DOCK7: variants seen among roughly 807,000 people sequenced by gnomAD.
The protein encoded by DOCK7 is dedicator of cytokinesis 7, also known as dedicator of cytokinesis protein 7.
A neutral mutation model predicts 271.0 loss-of-function variants in DOCK7; 138 were observed. The ratio of observed to expected loss-of-function variants is 0.51; its 90% CI spans 0.44 to 0.59. The LOEUF is 0.59. Ranked by LOEUF, DOCK7 falls within the 20% of genes least tolerant of loss-of-function variation. The pLI is 0.00. For synonymous variants in DOCK7, 823 were observed against 876.1 expected, an observed-to-expected ratio of 0.94 and a Z score of 1.07; for missense variants, 2,066 against 2,592.4, an observed-to-expected ratio of 0.80 and a Z score of 4.41.
chr1:62,482,878 C>T (rs545153688), intron 43 of DOCK7: 1 of 152,096 alleles, frequency 6.6e-6, no homozygotes, highest in Non-Finnish European at 1.5e-5. Flanking sequence ...GGCTTACTGA[C>T]AAAACACATT....
At chr1:62,550,144 A>G (rs1645846190) in intron 22 of DOCK7, among the ~76,000 whole-genome samples, 1 of 152,170 alleles carries the variant, frequency 6.6e-6, no homozygotes. Context: ...TAGCATGCCT[A>G]TATGTGAATG....
intron 1 of DOCK7, among the ~76,000 whole-genome samples, chr1:62,687,390 T>C (rs1296019660): frequency 3.9e-5 from 6 of 152,194 alleles, no homozygotes; most frequent in African/African-American, 1.2e-4. Flanking sequence ...CTTGCTTTAC[T>C]TCAAGACTGC....
intron 15 of DOCK7, 118 bp from the exon 16 acceptor site, chr1:62,583,372 A>C: frequency 1.2e-6 from 1 of 808,726 alleles, no homozygotes. Flanking sequence ...AATCAGCCCA[A>C]TGAAGAACAA....
rs548349824 is a variant in DOCK7, at chr1:62,487,481, G to A, written c.5494-69C>T. ...TTTGAAAGAACAAAAAAGGCCAAAG[G>A]CACCATATACCATAAATTCTTCTCC... On this transcript the variant is annotated intron_variant, in intron 42 of 49. Coordinates refer to ENST00000635253, the MANE Select transcript of DOCK7 (RefSeq NM_001367561.1). 83 of 1,380,912 alleles carry A rather than the reference G, an allele frequency of 6.0e-5. No homozygotes were observed. The South Asian group carries it at 9.0e-4, about 15-fold the overall frequency. The allele number at this position is 1,380,912 out of a possible 1,614,324, so 85.5% of individuals were successfully genotyped here.
At chr1:62,524,685 G>A (rs905808601) in intron 31 of DOCK7, among the ~76,000 whole-genome samples, 1 of 151,854 alleles carries the variant, frequency 6.6e-6, no homozygotes, top group Admixed American at 6.6e-5. Flanking sequence ...ATCAACTGAG[G>A]TCAGGAGTTT....
intron 31 of DOCK7, among the ~76,000 whole-genome samples, chr1:62,521,110 G>A (rs61308091): frequency 6.6e-6 from 1 of 151,820 alleles, no homozygotes; most frequent in Non-Finnish European, 1.5e-5. Flanking sequence ...CAGGGGGTAG[G>A]GGGGTAGGGG....
chr1:62,645,425 A>G (rs970231705), intron 7 of DOCK7, among the ~76,000 whole-genome samples: 5 of 152,106 alleles, frequency 3.3e-5, no homozygotes, highest in African/African-American at 1.2e-4. Flanking sequence ...AAAAAAAAAC[A>G]AAAAGGACTA....
At chr1:62,485,026 C>A (rs1380872645) in intron 43 of DOCK7, 1 of 460,234 alleles carries the variant, frequency 2.2e-6, no homozygotes, top group Non-Finnish European at 2.9e-6. Context: ...CCTAGCTACT[C>A]GGGAGGCTGA....
chr1:62,621,043 TTG>T (rs1247989957), intron 12 of DOCK7, among the ~76,000 whole-genome samples: 1 of 152,128 alleles, frequency 6.6e-6, no homozygotes, highest in Non-Finnish European at 1.5e-5. Flanking sequence ...TAGTTCATAT[TTG>T]TGTTTTCAAC....
At chr1:62,629,383 G>C (rs1053942973) in intron 11 of DOCK7, 2 of 152,080 alleles carry the variant, frequency 1.3e-5, no homozygotes, top group Non-Finnish European at 2.9e-5. Context: ...CAATACAACA[G>C]ACTATCATTT....
At chr1:62,458,186 C>T (rs1039694873) in intron 48 of DOCK7, 10 of 148,116 alleles carry the variant, frequency 6.8e-5, no homozygotes, top group Admixed American at 4.7e-4. Context: ...TGTGTGTGTA[C>T]GCGCGCGCTG....
At position 62,509,123 on chromosome 1, in the gene DOCK7, AC is replaced by A. The variant is rs563177769; in HGVS notation, c.4380-1066del. ...GATCCTTGAGACCAGGAGTTAAGAG[AC>A]CAGCCTGCACAACATGGCAAAACCC... On this transcript the variant is annotated intron_variant, in intron 34 of 49. Transcript: ENST00000635253. Among the ~76,000 whole-genome samples the A allele has an allele frequency of 3.6e-3, 546 of 152,100 alleles. 4 individuals are homozygous for A. Among genetic ancestry groups the A allele is most frequent in the Non-Finnish European group, 4.4e-3 (301 of 67,966 alleles).
At chr1:62,523,870 G>GATAA (rs762038279) in intron 31 of DOCK7, among the ~76,000 whole-genome samples, 3 of 151,770 alleles carry the variant, frequency 2.0e-5, no homozygotes, top group South Asian at 2.1e-4. Flanking sequence ...CTGTCTCCAA[G>GATAA]ATAAATAAAT....
In DOCK7 at chr1:62,540,950, C is replaced by T. The variant is rs185739564; in HGVS notation, c.3046-1058G>A. Among the ~76,000 whole-genome samples the T allele has an allele frequency of 9.8e-4, 149 of 152,138 alleles. 1 individual carries two copies. The highest frequency in any genetic ancestry group is 2.0e-3 in the Admixed American group (30 of 15,276). ...AAATGAATTGTCACTTATATATAGT[C>T]CCTGATTTATTTTTTCTGTAGATTA... On this transcript the variant is annotated intron_variant, in intron 25 of 49. Transcript: ENST00000635253.
At chr1:62,563,378 A>G (rs1424657720) in intron 18 of DOCK7, among the ~76,000 whole-genome samples, 1 of 152,206 alleles carries the variant, frequency 6.6e-6, no homozygotes, top group Non-Finnish European at 1.5e-5. Context: ...CTCAACTGAA[A>G]TGAGAAAAGA....
chr1:62,455,284 C>G lies in DOCK7; in HGVS notation c.*130G>C, dbSNP rs1471134475. ...GTTAACAATCTACATTTGATATTTT[C>G]TTGGCCACTGCATTCTTCAATGAAT... On this transcript the variant is annotated 3_prime_UTR_variant, in exon 50 of 50. Coordinates refer to ENST00000635253, the MANE Select transcript of DOCK7 (RefSeq NM_001367561.1). 2.1e-6 allele frequency: 2 copies of G among 931,942 alleles called. No homozygotes were observed. Among genetic ancestry groups the G allele is most frequent in the African/African-American group, 3.3e-5 (2 of 61,248 alleles). 57.7% of individuals were successfully genotyped at this position (931,942 alleles called of 1,614,324 possible).
At chr1:62,629,952 T>C (rs142221549) in intron 11 of DOCK7, among the ~76,000 whole-genome samples, 66 of 152,332 alleles carry the variant, frequency 4.3e-4, no homozygotes, top group Admixed American at 1.2e-3. Context: ...AGGATAATTA[T>C]TTACCCAATT....
Position 62,624,246 on chromosome 1 carries a change from G to C in DOCK7, c.1425+1013C>G, listed in dbSNP as rs139912872. On this transcript the variant is annotated intron_variant, in intron 12 of 49. Transcript: ENST00000635253. ...CACTCATACAAAAGGGGGAGGGGGGGAACGACTCCCTAAAGCAATATTTAA... is the reference window on the plus strand; with the variant it reads ...CACTCATACAAAAGGGGGAGGGGGGCAACGACTCCCTAAAGCAATATTTAA... Among the ~76,000 whole-genome samples the C allele has an allele frequency of 5.3e-3, 813 of 152,036 alleles. 12 individuals carry two copies. Among genetic ancestry groups the C allele is most frequent in the African/African-American group, 0.018 (766 of 41,432 alleles).
At chr1:62,456,214 T>A (rs1274704984) in intron 49 of DOCK7, among the ~76,000 whole-genome samples, 1 of 152,224 alleles carries the variant, frequency 6.6e-6, no homozygotes, top group Non-Finnish European at 1.5e-5. Flanking sequence ...GAAAGGGTCT[T>A]AGGGACTCCC....
Sources: allele counts gnomAD v4.1 joint callset (sites outside exome capture counted in the v4.1 genomes callset), GRCh38; gene constraint gnomAD v4.1.1; transcripts MANE v1.5; gene names NCBI Gene and HGNC (gene_info 2026-07-23, HGNC 2026-07-21).